HS3ST4: variants seen among roughly 807,000 people sequenced by gnomAD.
HS3ST4 encodes heparan sulfate-glucosamine 3-sulfotransferase 4.
Under a neutral mutation model 29.2 loss-of-function variants are expected in HS3ST4, and 17 were observed. That is an observed-to-expected ratio of 0.58 (90% CI 0.40 to 0.87). HS3ST4 has a LOEUF of 0.87. Among genes scored for constraint, HS3ST4 ranks in the 40% least tolerant of loss-of-function variants. The pLI, the probability that HS3ST4 is intolerant of heterozygous loss-of-function variation, is 0.00. For synonymous variants in HS3ST4, 314 were observed against 285.7 expected (o/e 1.10, Z -1.00); for missense variants, 627 against 634.5 (o/e 0.99, Z 0.13).
intron 1 of HS3ST4, among the ~76,000 whole-genome samples, chr16:25,724,486 C>G (rs1469738842): frequency 6.6e-6 from 1 of 151,886 alleles, no homozygotes; most frequent in African/African-American, 2.4e-5. Context: ...GCCTCAGTCT[C>G]CCGAGTAGCT....
intron 1 of HS3ST4, among the ~76,000 whole-genome samples, chr16:25,905,529 T>C (rs1374044584): frequency 6.6e-6 from 1 of 152,108 alleles, no homozygotes; most frequent in African/African-American, 2.4e-5. Context: ...ACCTTCAGAC[T>C]CCACCTGAGA....
intron 1 of HS3ST4, among the ~76,000 whole-genome samples, chr16:25,920,240 CA>C (rs908171224): frequency 5.9e-4 from 90 of 152,266 alleles, no homozygotes; most frequent in African/African-American, 2.1e-3. Flanking sequence ...TTCAATCCAG[CA>C]GCTATAAATT....
chr16:26,054,801 A>G (rs963132833), intron 1 of HS3ST4, among the ~76,000 whole-genome samples: 6 of 152,014 alleles, frequency 3.9e-5, no homozygotes, highest in Non-Finnish European at 4.4e-5. Flanking sequence ...TCGCAAGGTA[A>G]CAAAGCTGTG....
At chr16:26,110,289 C>T (rs549969003) in intron 1 of HS3ST4, among the ~76,000 whole-genome samples, 1 of 152,180 alleles carries the variant, frequency 6.6e-6, no homozygotes, top group African/African-American at 2.4e-5. Flanking sequence ...GGTATACATA[C>T]ATCACATTTT....
At chr16:25,762,729 CAAAA>C (rs892581256) in intron 1 of HS3ST4, among the ~76,000 whole-genome samples, 8 of 151,138 alleles carry the variant, frequency 5.3e-5, no homozygotes, top group African/African-American at 1.7e-4. Context: ...AACAAACAAA[CAAAA>C]AAACCACCCG....
At chr16:26,129,217 G>A (rs1250576195) in intron 1 of HS3ST4, among the ~76,000 whole-genome samples, 1 of 152,220 alleles carries the variant, frequency 6.6e-6, no homozygotes. Context: ...CTGGGTGTCT[G>A]TAACTCCCAG....
intron 1 of HS3ST4, among the ~76,000 whole-genome samples, chr16:26,100,264 C>A (rs1215619453): frequency 1.3e-5 from 2 of 152,086 alleles, no homozygotes; most frequent in African/African-American, 4.8e-5. Flanking sequence ...TATAACAAAC[C>A]TGCACATCTA....
chr16:25,750,681 C>T (rs1172210790), intron 1 of HS3ST4, among the ~76,000 whole-genome samples: 1 of 152,196 alleles, frequency 6.6e-6, no homozygotes, highest in Non-Finnish European at 1.5e-5. Flanking sequence ...CAATTTCTCT[C>T]CCATGAATAT....
chr16:25,692,732 C>T lies in HS3ST4; in HGVS notation c.315C>T (p.Asn105=), dbSNP rs920488446. 2.3e-6 allele frequency: 3 copies of T among 1,276,598 alleles called. No individual in the cohort carries two copies. The Admixed American group carries it at 1.1e-4, about 45-fold the overall frequency. The allele number at this position is 1,276,598 out of a possible 1,614,324, so 79.1% of individuals were successfully genotyped here. Residue 105 remains asparagine, a synonymous_variant, in exon 1 of 2, where the codon AAC becomes AAT. Transcript: ENST00000331351. ...CGCCCGCGCCGCCGCCGCTGGACAA[C>T]GCGAGCCACGGGGAGCCGCCCGAGC... ...SQPPAPPPLD[N]ASHGEPPEPP...
chr16:26,051,907 TC>T (rs1567302199), intron 1 of HS3ST4, among the ~76,000 whole-genome samples: 2 of 56,690 alleles, frequency 3.5e-5, no homozygotes, highest in African/African-American at 1.3e-4. Context: ...CCTCCCTCCC[TC>T]CCTCCCTTCC....
chr16:25,823,145 A>G (rs1277953730), intron 1 of HS3ST4, among the ~76,000 whole-genome samples: 1 of 152,204 alleles, frequency 6.6e-6, no homozygotes, highest in Non-Finnish European at 1.5e-5. Flanking sequence ...TGTTTAGGAA[A>G]GATTCCCAGA....
chr16:26,003,344 G>C (rs1969229063), intron 1 of HS3ST4, among the ~76,000 whole-genome samples: 1 of 152,124 alleles, frequency 6.6e-6, no homozygotes, highest in Admixed American at 6.6e-5. Flanking sequence ...AAATCTCTTA[G>C]AACAGGGTCT....
chr16:25,867,540 A>G (rs555806335), intron 1 of HS3ST4, among the ~76,000 whole-genome samples: 1 of 152,224 alleles, frequency 6.6e-6, no homozygotes, highest in African/African-American at 2.4e-5. Flanking sequence ...AAAGTTGTAT[A>G]TCCTTTATCT....
chr16:25,870,389 G>C lies in HS3ST4; in HGVS notation c.734+177238G>C, dbSNP rs574502067. Reference sequence around the variant, plus strand: ...TGTCAACTATGTTACACAGTCAGGAGTGTTAGGGAGTAAAAAAAAAGCTCC... The same window carrying C: ...TGTCAACTATGTTACACAGTCAGGACTGTTAGGGAGTAAAAAAAAAGCTCC... On this transcript the variant is annotated intron_variant, in intron 1 of 1. Transcript: ENST00000331351. 2.0e-5 allele frequency among the ~76,000 whole-genome samples: 3 copies of C among 152,260 alleles called. No individual in the cohort carries two copies. In the South Asian group the frequency reaches 6.2e-4, roughly 32 times the overall value.
chr16:25,933,456 T>G (rs923572377), intron 1 of HS3ST4: 1 of 493,346 alleles, frequency 2.0e-6, no homozygotes, highest in East Asian at 5.6e-5. Flanking sequence ...AAATCTAGAT[T>G]TCCACCATTT....
chr16:25,758,407 T>C (rs1370756936), intron 1 of HS3ST4, among the ~76,000 whole-genome samples: 1 of 152,216 alleles, frequency 6.6e-6, no homozygotes, highest in Non-Finnish European at 1.5e-5. Context: ...TTGTCAGGAC[T>C]GTTGAGCGTA....
intron 1 of HS3ST4, among the ~76,000 whole-genome samples, chr16:25,804,729 C>T (rs938312500): frequency 1.3e-5 from 2 of 151,972 alleles, no homozygotes; most frequent in African/African-American, 4.8e-5. Flanking sequence ...TTATTTGCCC[C>T]CCAAAACCGC....
intron 1 of HS3ST4, among the ~76,000 whole-genome samples, chr16:25,895,785 A>G (rs1013023481): frequency 1.3e-5 from 2 of 152,130 alleles, no homozygotes; most frequent in African/African-American, 2.4e-5. Context: ...GTCTCTTCTT[A>G]TAAGGGCATA....
At chr16:25,770,753 T>G (rs73511208) in intron 1 of HS3ST4, among the ~76,000 whole-genome samples, 6,080 of 152,306 alleles carry the variant, frequency 0.04, 390 homozygotes, top group African/African-American at 0.14. Flanking sequence ...TCTCAACCAG[T>G]TAAAGCTTCG....
Sources: gnomAD v4.1 joint callset for allele counts (sites outside exome capture counted in the v4.1 genomes callset) on GRCh38, gnomAD v4.1.1 for gene constraint, MANE v1.5 for transcripts, NCBI Gene and HGNC (gene_info 2026-07-23, HGNC 2026-07-21) for gene names.